ARHGAP6: variants seen among roughly 807,000 people sequenced by gnomAD.
ARHGAP6 encodes the protein rho GTPase-activating protein 6.
ARHGAP6 carries 16 observed loss-of-function variants against 55.7 expected under a neutral mutation model. That is an observed-to-expected ratio of 0.29 (90% CI 0.19 to 0.44). The LOEUF (loss-of-function observed/expected upper bound fraction) is 0.44, where lower values mean the gene tolerates loss of function less well. Among genes scored for constraint, ARHGAP6 ranks in the 20% least tolerant of loss-of-function variants. ARHGAP6 has a pLI of 1.00. For missense variants in ARHGAP6, 698 were observed against 808.9 expected (o/e 0.86, Z 1.66); for synonymous variants, 382 against 360.9 (o/e 1.06, Z -0.66).
At chrX:11,653,333 G>A (rs1418965624) in intron 1 of ARHGAP6, among the ~76,000 whole-genome samples, 4 of 111,866 alleles carry the variant, frequency 3.6e-5, no homozygotes, top group Non-Finnish European at 7.5e-5. Flanking sequence ...AGGCCAAAAT[G>A]CCTGGAGTGA....
intron 1 of ARHGAP6, among the ~76,000 whole-genome samples, chrX:11,629,359 G>A (rs1569065301): frequency 9.0e-6 from 1 of 110,809 alleles, no homozygotes; most frequent in Non-Finnish European, 1.9e-5. Context: ...TTTAACATAT[G>A]TCTTTAATCT....
intron 1 of ARHGAP6, among the ~76,000 whole-genome samples, chrX:11,471,166 C>A (rs1198030712): frequency 1.8e-5 from 2 of 111,501 alleles, no homozygotes; most frequent in Non-Finnish European, 3.8e-5. Flanking sequence ...TGCAACTTTT[C>A]TGTAAATCTA....
chrX:11,515,929 C>A (rs1054336354), intron 1 of ARHGAP6, among the ~76,000 whole-genome samples: 1 of 112,508 alleles, frequency 8.9e-6, no homozygotes, highest in South Asian at 3.6e-4. Flanking sequence ...GCCAGACCAC[C>A]CCCCAGGGGT....
intron 1 of ARHGAP6, among the ~76,000 whole-genome samples, chrX:11,373,079 TCACACACACACACAAACACACA>T (rs1228338954): frequency 1.3e-5 from 1 of 79,495 alleles, no homozygotes; most frequent in Non-Finnish European, 2.3e-5. Flanking sequence ...TCTATTTTTT[TCACACACACACACAAACACACA>T]CACACACACA....
chrX:11,658,074 TA>T (rs1267848894), intron 1 of ARHGAP6, among the ~76,000 whole-genome samples: 1 of 111,746 alleles, frequency 8.9e-6, no homozygotes, highest in Non-Finnish European at 1.9e-5. Flanking sequence ...TGGCAGTTTA[TA>T]TAGAGAGTCA....
chrX:11,503,611 G>GT (rs1173197338), intron 1 of ARHGAP6, among the ~76,000 whole-genome samples: 2 of 111,473 alleles, frequency 1.8e-5, no homozygotes, highest in Non-Finnish European at 3.8e-5. Flanking sequence ...CCAAAGACTC[G>GT]TTGCAGTCAT....
In ARHGAP6 at chrX:11,526,033, C is replaced by T. The variant is rs1350639865; in HGVS notation, c.588+138208G>A. On this transcript the variant is annotated intron_variant, in intron 1 of 12. Transcript: ENST00000337414. ...TTCAAAAATATAAAATTCCTTAGTC[C>T]ATTTCTTAACATTGAGTTCTCCCAG... Among the ~76,000 whole-genome samples the T allele has an allele frequency of 3.6e-4, 40 of 111,579 alleles. No individual in the cohort carries two copies. In the Admixed American group the frequency reaches 3.8e-3, roughly 11 times the overall value.
chrX:11,381,176 A>T (rs2049258843), intron 1 of ARHGAP6, among the ~76,000 whole-genome samples: 2 of 112,667 alleles, frequency 1.8e-5, no homozygotes, highest in African/African-American at 6.5e-5. Context: ...AATATCATCC[A>T]AACTCTGTTT....
rs753284796 is a variant in ARHGAP6 at position 11,534,636 on chromosome X, T to C, written c.588+129605A>G. 7.0e-4 allele frequency among the ~76,000 whole-genome samples: 77 copies of C among 110,241 alleles called. 1 individual carries two copies. Among genetic ancestry groups the C allele is most frequent in the Non-Finnish European group, 3.2e-4 (17 of 52,730 alleles). ...TACAGGCCATGGTAGCGAACAGCCC[T>C]GTCCAACAGAAATACAATGTGAACC... is the stretch of plus-strand genomic sequence containing the variant. On this transcript the variant is annotated intron_variant, in intron 1 of 12. Transcript: ENST00000337414.
At chrX:11,222,257 G>T (rs1186744017) in intron 2 of ARHGAP6, among the ~76,000 whole-genome samples, 5 of 111,780 alleles carry the variant, frequency 4.5e-5, no homozygotes, top group Admixed American at 1.9e-4. Context: ...AGACGATGGA[G>T]ACAACACTCT....
intron 1 of ARHGAP6, among the ~76,000 whole-genome samples, chrX:11,606,039 A>G (rs769430089): frequency 8.1e-5 from 9 of 111,710 alleles, no homozygotes; most frequent in Non-Finnish European, 1.3e-4. Context: ...AGAGGAGAAC[A>G]GGAAGGAAAG....
intron 10 of ARHGAP6, among the ~76,000 whole-genome samples, chrX:11,145,463 C>T (rs2045677339): frequency 8.9e-6 from 1 of 111,945 alleles, no homozygotes; most frequent in Admixed American, 9.4e-5. Flanking sequence ...GAGGACATTT[C>T]CTACCAACAT....
intron 8 of ARHGAP6, among the ~76,000 whole-genome samples, chrX:11,176,154 C>T (rs2046210058): frequency 1.0e-5 from 1 of 95,424 alleles, no homozygotes; most frequent in Admixed American, 1.2e-4. Context: ...AGGTAAGTTA[C>T]TTAGCTCCCC....
intron 1 of ARHGAP6, among the ~76,000 whole-genome samples, chrX:11,461,892 C>G (rs781675500): frequency 9.0e-6 from 1 of 111,534 alleles, no homozygotes; most frequent in Admixed American, 9.5e-5. Flanking sequence ...CAGATCTGAC[C>G]AGAGACTGGC....
At chrX:11,540,211 G>A (rs765875107) in intron 1 of ARHGAP6, among the ~76,000 whole-genome samples, 12 of 104,869 alleles carry the variant, frequency 1.1e-4, no homozygotes, top group African/African-American at 2.1e-4. Context: ...CCGAGATCAC[G>A]CCACTGCACT....
chrX:11,556,997 C>A (rs1247788716), intron 1 of ARHGAP6, among the ~76,000 whole-genome samples: 1 of 111,307 alleles, frequency 9.0e-6, no homozygotes, highest in Non-Finnish European at 1.9e-5. Flanking sequence ...AAATTTCTAC[C>A]CCTTGGACAC....
chrX:11,389,504 T>C (rs1214127780), intron 1 of ARHGAP6, among the ~76,000 whole-genome samples: 1 of 112,511 alleles, frequency 8.9e-6, no homozygotes, highest in Non-Finnish European at 1.9e-5. Flanking sequence ...AAAAACCAGA[T>C]ATCAAATTAT....
intron 1 of ARHGAP6, among the ~76,000 whole-genome samples, chrX:11,563,520 G>A (rs2051410384): frequency 9.0e-6 from 1 of 111,119 alleles, no homozygotes; most frequent in South Asian, 3.8e-4. Context: ...TCTCATATGC[G>A]TGCACATGCA....
chrX:11,467,980 AAATGAATG>A (rs58581155), intron 1 of ARHGAP6, among the ~76,000 whole-genome samples: 5,865 of 93,192 alleles, frequency 0.063, 182 homozygotes, highest in East Asian at 0.14. Flanking sequence ...ACTCTGTCTT[AAATGAATG>A]AATGAATAAA....
Sources: gnomAD v4.1 joint callset for allele counts (sites outside exome capture counted in the v4.1 genomes callset) on GRCh38, gnomAD v4.1.1 for gene constraint, MANE v1.5 for transcripts, NCBI Gene and HGNC (gene_info 2026-07-23, HGNC 2026-07-21) for gene names.